Variants in TEX9 observed in about 807,000 individuals in gnomAD.
TEX9 encodes the protein testis expressed 9.
Under a neutral mutation model 59.6 loss-of-function variants are expected in TEX9, and 74 were observed. The ratio of observed to expected loss-of-function variants is 1.24; its 90% CI spans 1.03 to 1.51. The LOEUF (loss-of-function observed/expected upper bound fraction) is 1.51, where lower values mean the gene tolerates loss of function less well. Among genes scored for constraint, TEX9 ranks in the 40% most tolerant of loss-of-function variants. The pLI is 0.00. For synonymous variants in TEX9, 186 were observed against 152.2 expected (o/e 1.22, Z -1.64); for missense variants, 522 against 447.8 (o/e 1.17, Z -1.49).
chr15:56,421,264 A>C (rs1379302493), intron 10 of TEX9, among the ~76,000 whole-genome samples: 1 of 151,820 alleles, frequency 6.6e-6, no homozygotes, highest in Non-Finnish European at 1.5e-5. Flanking sequence ...AAGATTGTTA[A>C]ATCCTCTTGA....
At chr15:56,266,143 T>C (rs1228052169) in intron 1 of TEX9, among the ~76,000 whole-genome samples, 2 of 152,032 alleles carry the variant, frequency 1.3e-5, no homozygotes, top group Non-Finnish European at 2.9e-5. Context: ...TCTTTTTTTT[T>C]TGAGACAGAG....
At chr15:56,318,091 A>G (rs1196978456) in intron 1 of TEX9, among the ~76,000 whole-genome samples, 1 of 151,900 alleles carries the variant, frequency 6.6e-6, no homozygotes, top group Admixed American at 6.6e-5. Context: ...AATCTCTCTT[A>G]TTGTTGAATT....
intron 10 of TEX9, among the ~76,000 whole-genome samples, chr15:56,427,006 C>G (rs1362775791): frequency 6.6e-6 from 1 of 152,004 alleles, no homozygotes; most frequent in African/African-American, 2.4e-5. Context: ...GTCTGCCAAG[C>G]ATTTGAGGGA....
intron 1 of TEX9, among the ~76,000 whole-genome samples, chr15:56,326,106 A>C (rs1048880573): frequency 2.0e-5 from 3 of 152,228 alleles, no homozygotes; most frequent in African/African-American, 4.8e-5. Flanking sequence ...GACTGCTTAC[A>C]TACTGTCACT....
intron 9 of TEX9, among the ~76,000 whole-genome samples, chr15:56,403,795 T>C (rs1472035806): frequency 5.9e-5 from 9 of 152,072 alleles, no homozygotes; most frequent in African/African-American, 2.2e-4. Context: ...TATAGACCAA[T>C]GGAACAGAAC....
At chr15:56,264,573 T>G (rs2044338254) in intron 1 of TEX9, among the ~76,000 whole-genome samples, 2 of 152,336 alleles carry the variant, frequency 1.3e-5, no homozygotes, top group South Asian at 4.1e-4. Context: ...AGCTGAAGTT[T>G]AAAAGTTTTC....
At chr15:56,281,592 C>G (rs181464260) in intron 1 of TEX9, among the ~76,000 whole-genome samples, 1 of 152,318 alleles carries the variant, frequency 6.6e-6, no homozygotes, top group African/African-American at 2.4e-5. Flanking sequence ...TCTTCCATGG[C>G]AATGGTCCCT....
intron 1 of TEX9, among the ~76,000 whole-genome samples, chr15:56,252,606 A>G (rs1250199757): frequency 6.6e-6 from 1 of 152,136 alleles, no homozygotes. Context: ...TCCAGATTTA[A>G]AGGTACTCTG....
intron 2 of TEX9, among the ~76,000 whole-genome samples, chr15:56,368,921 A>G (rs187563962): frequency 6.6e-6 from 1 of 152,272 alleles, no homozygotes. Flanking sequence ...AAATAAAGAC[A>G]AATGATCTCT....
chr15:56,383,200 C>T lies in TEX9; in HGVS notation c.184-752C>T, dbSNP rs374592214. ...GGCAGCACTGAGTTCAATGCACAGTCGCCCAGTCACTGTGCTGTCCCTCCC... is the reference window on the plus strand; with the variant it reads ...GGCAGCACTGAGTTCAATGCACAGTTGCCCAGTCACTGTGCTGTCCCTCCC... On this transcript the variant is annotated intron_variant, in intron 3 of 12. Transcript: ENST00000352903. 8.5e-5 allele frequency among the ~76,000 whole-genome samples: 13 copies of T among 152,322 alleles called. No individual in the cohort carries two copies. The East Asian group carries it at 9.6e-4, about 11-fold the overall frequency.
At chr15:56,329,725 A>G (rs1401716769) in intron 1 of TEX9, among the ~76,000 whole-genome samples, 1 of 152,188 alleles carries the variant, frequency 6.6e-6, no homozygotes, top group African/African-American at 2.4e-5. Flanking sequence ...AAGCTGGGCT[A>G]TTTGAAAATA....
intron 1 of TEX9, among the ~76,000 whole-genome samples, chr15:56,305,908 G>C (rs1287611072): frequency 6.6e-6 from 1 of 152,006 alleles, no homozygotes. Context: ...ATATAAGAAG[G>C]TCAAATAACT....
intron 1 of TEX9, among the ~76,000 whole-genome samples, chr15:56,328,120 C>G (rs2046063871): frequency 6.6e-6 from 1 of 151,838 alleles, no homozygotes; most frequent in South Asian, 2.1e-4. Context: ...GTAAAGAGGA[C>G]TTTGTCTTGC....
chr15:56,252,164 C>T, intron 1 of TEX9, among the ~76,000 whole-genome samples: 1 of 152,090 alleles, frequency 6.6e-6, no homozygotes, highest in Non-Finnish European at 1.5e-5. Context: ...GTACCTTGTA[C>T]AGCCTTATGT....
chr15:56,364,187 C>T (rs2046848753), upstream of TEX9, among the ~76,000 whole-genome samples: 1 of 150,642 alleles, frequency 6.6e-6, no homozygotes, highest in African/African-American at 2.4e-5. Flanking sequence ...GAATTTCGCT[C>T]TTGTTGACCA....
At chr15:56,365,522 A>T (rs1454002196) in intron 1 of TEX9, 45 bp downstream of exon 1, 1 of 1,614,192 alleles carries the variant, frequency 6.2e-7, no homozygotes, top group Admixed American at 1.7e-5. Context: ...GGTTCCGGCG[A>T]CTAGGACGCC....
chr15:56,421,937 G>A (rs1322812429), intron 10 of TEX9, among the ~76,000 whole-genome samples: 1 of 151,530 alleles, frequency 6.6e-6, no homozygotes, highest in African/African-American at 2.4e-5. Context: ...ACGTGTGCAT[G>A]TGTCTTTATA....
intron 10 of TEX9, among the ~76,000 whole-genome samples, chr15:56,418,659 C>T (rs527904208): frequency 1.8e-4 from 27 of 151,242 alleles, no homozygotes; most frequent in African/African-American, 5.4e-4. Flanking sequence ...TCAAAAAAAA[C>T]CAAAAAACAA....
At chr15:56,454,483 T>G in the TEX9 span, among the ~76,000 whole-genome samples, 1 of 152,146 alleles carries the variant, frequency 6.6e-6, no homozygotes, top group Non-Finnish European at 1.5e-5. Flanking sequence ...GGTAAATCTG[T>G]TATCTTTTAA....
Sources: gnomAD v4.1 joint callset for allele counts (sites outside exome capture counted in the v4.1 genomes callset) on GRCh38, gnomAD v4.1.1 for gene constraint, MANE v1.5 for transcripts, NCBI Gene and HGNC (gene_info 2026-07-23, HGNC 2026-07-21) for gene names.